The following ZNF148 variants were observed in gnomAD, a reference collection of about 807,000 sequenced individuals.
ZNF148 encodes the protein Beta-Enolase Repressor Factor-1.
A neutral mutation model predicts 67.7 loss-of-function variants in ZNF148; 7 were observed. That is an observed-to-expected ratio of 0.10 (90% confidence interval 0.06 to 0.19). The LOEUF is 0.19. Ranked by LOEUF, ZNF148 falls within the 10% of genes least tolerant of loss-of-function variation. The pLI, the probability that ZNF148 is intolerant of heterozygous loss-of-function variation, is 1.00. For synonymous variants in ZNF148, 333 were observed against 330.7 expected, an observed-to-expected ratio of 1.01 and a Z score of -0.08; for missense variants, 583 against 947.1, an observed-to-expected ratio of 0.62 and a Z score of 5.05.
intron 7 of ZNF148, among the ~76,000 whole-genome samples, chr3:125,272,093 C>A (rs1001076372): frequency 6.6e-6 from 1 of 152,194 alleles, no homozygotes; most frequent in Non-Finnish European, 1.5e-5. Context: ...GACTCCCATG[C>A]AACACATGGA....
intron 3 of ZNF148, among the ~76,000 whole-genome samples, chr3:125,314,526 C>A (rs1940390654): frequency 6.6e-6 from 1 of 152,192 alleles, no homozygotes; most frequent in Admixed American, 6.5e-5. Flanking sequence ...TTCCAACACA[C>A]TACTGAAATC....
Position 125,357,466 on chromosome 3 carries a change from C to G in ZNF148, c.-234+17636G>C, listed in dbSNP as rs78574154. Among the ~76,000 whole-genome samples the G allele has an allele frequency of 5.2e-3, 793 of 152,360 alleles. 4 individuals carry two copies. The highest frequency in any genetic ancestry group is 0.017 in the African/African-American group (710 of 41,590). ...CGGTGGGCAAAAGCCCGTCCTCCCC[C>G]CCTTCCAGGGCCTGCTCACTTCAGG... On this transcript the variant is annotated intron_variant, in intron 1 of 8. Coordinates refer to ENST00000360647, the MANE Select transcript of ZNF148 (RefSeq NM_021964.3).
intron 7 of ZNF148, among the ~76,000 whole-genome samples, chr3:125,266,223 C>T (rs1282864312): frequency 1.3e-5 from 2 of 152,074 alleles, no homozygotes; most frequent in Non-Finnish European, 2.9e-5. Context: ...ACCAACTGGA[C>T]CTAATAGAGC....
intron 5 of ZNF148, among the ~76,000 whole-genome samples, chr3:125,286,694 C>CA (rs1351011999): frequency 1.3e-5 from 2 of 151,892 alleles, no homozygotes; most frequent in South Asian, 2.1e-4. Context: ...TAAATGATTA[C>CA]AAAAAACATT....
rs532273996 is a variant in ZNF148, at chr3:125,344,906, C to G, written c.-233-13668G>C. ...CTCTGGGCTCTGGATCTCCTCTCAG[C>G]TAGCCTGAGTAGATTTTTTTTTTAA... On this transcript the variant is annotated intron_variant, in intron 1 of 8. Coordinates refer to ENST00000360647, the MANE Select transcript of ZNF148 (RefSeq NM_021964.3). The G allele has an allele frequency of 4.0e-5, 7 of 173,428 alleles. No homozygotes were observed. The East Asian group carries it at 1.2e-3, about 30-fold the overall frequency. 10.7% of individuals were successfully genotyped at this position (173,428 alleles called of 1,614,324 possible). A position where few individuals can be genotyped will look rare whatever the true frequency, so the allele number is the denominator to read the frequency against.
At chr3:125,240,704 C>T (rs1450709967) in intron 7 of ZNF148, among the ~76,000 whole-genome samples, 10 of 149,442 alleles carry the variant, frequency 6.7e-5, no homozygotes. Context: ...GTTGAGGCTG[C>T]AGTGAGCTGT....
intron 7 of ZNF148, among the ~76,000 whole-genome samples, chr3:125,271,459 A>G (rs1468799110): frequency 6.6e-6 from 1 of 152,240 alleles, no homozygotes; most frequent in Non-Finnish European, 1.5e-5. Flanking sequence ...TGAACAAAAT[A>G]AAAATCTCCC....
Position 125,337,267 on chromosome 3 carries a change from CA to C in ZNF148, c.-233-6030del, listed in dbSNP as rs372711141. Among the ~76,000 whole-genome samples, 34 of 152,206 alleles carry C rather than the reference CA, an allele frequency of 2.2e-4. 1 individual carries two copies. The highest frequency in any genetic ancestry group is 7.9e-4 in the African/African-American group (33 of 41,532). ...ATCTATGTTAGAAAAAGTGATGCTACAAAAGCATTGTTATAAACAATGCTAC... is the reference window on the plus strand; with the variant it reads ...ATCTATGTTAGAAAAAGTGATGCTACAAAGCATTGTTATAAACAATGCTAC... On this transcript the variant is annotated intron_variant, in intron 1 of 8. Coordinates refer to ENST00000360647, the MANE Select transcript of ZNF148 (RefSeq NM_021964.3).
At chr3:125,272,040 T>C (rs529962530) in intron 7 of ZNF148, among the ~76,000 whole-genome samples, 16 of 152,334 alleles carry the variant, frequency 1.1e-4, no homozygotes, top group Admixed American at 9.1e-4. Flanking sequence ...CTGGCTTCCA[T>C]CATACCTTTG....
intron 7 of ZNF148, among the ~76,000 whole-genome samples, chr3:125,269,299 TG>T (rs1937616044): frequency 6.6e-6 from 1 of 151,586 alleles, no homozygotes; most frequent in South Asian, 2.1e-4. Context: ...GAGGATCGCT[TG>T]AGCCCGGGAG....
At chr3:125,340,500 A>T (rs1188520833) in intron 1 of ZNF148, among the ~76,000 whole-genome samples, 1 of 152,230 alleles carries the variant, frequency 6.6e-6, no homozygotes, top group African/African-American at 2.4e-5. Flanking sequence ...GGTGGGTCCC[A>T]CCATAATCCT....
Position 125,351,761 on chromosome 3 carries a change from A to C in ZNF148, c.-233-20523T>G, listed in dbSNP as rs1942161637. 2.6e-5 allele frequency among the ~76,000 whole-genome samples: 4 copies of C among 152,360 alleles called. No individual in the cohort carries two copies. In the South Asian group the frequency reaches 8.3e-4, roughly 32 times the overall value. On this transcript the variant is annotated intron_variant, in intron 1 of 8. Transcript: ENST00000360647. ...AAAGATCAGAAGACATTTCTCCAAA[A>C]AATACATACAAATGGCCAATAAGCA...
intron 1 of ZNF148, among the ~76,000 whole-genome samples, chr3:125,341,405 G>A (rs1306138146): frequency 6.6e-6 from 1 of 151,492 alleles, no homozygotes; most frequent in Non-Finnish European, 1.5e-5. Flanking sequence ...GATCACTTCT[G>A]CTCAGGAGGG....
chr3:125,352,009 C>T lies in ZNF148; in HGVS notation c.-233-20771G>A, dbSNP rs559069158. 3.3e-5 allele frequency among the ~76,000 whole-genome samples: 5 copies of T among 152,062 alleles called. No homozygotes were observed. The South Asian group carries it at 6.2e-4, about 19-fold the overall frequency. On this transcript the variant is annotated intron_variant, in intron 1 of 8. Coordinates refer to ENST00000360647, the MANE Select transcript of ZNF148 (RefSeq NM_021964.3). The stretch of plus-strand genomic sequence containing the variant: ...TTACTCAAATGGTTAAACAGAGGTA[C>T]CACATGACTCAGCAATTTTTCACTC...
intron 1 of ZNF148, among the ~76,000 whole-genome samples, chr3:125,372,944 C>T (rs1942938396): frequency 6.6e-6 from 1 of 151,874 alleles, no homozygotes; most frequent in South Asian, 2.1e-4. Flanking sequence ...CCAGTCTGGG[C>T]AACAAGAGTG....
intron 7 of ZNF148, among the ~76,000 whole-genome samples, chr3:125,256,967 GTTTTTTTTTTTTTTTT>G (rs10576530): frequency 9.2e-6 from 1 of 108,132 alleles, no homozygotes; most frequent in Non-Finnish European, 1.9e-5. Flanking sequence ...AGAACTTCCA[GTTTTTTTTTTTTTTTT>G]TTTTTTTTAC....
intron 7 of ZNF148, among the ~76,000 whole-genome samples, chr3:125,243,745 C>T (rs149839454): frequency 1.4e-4 from 22 of 152,072 alleles, no homozygotes; most frequent in Admixed American, 5.2e-4. Context: ...AGACTGGTCT[C>T]GAATTCCTGG....
chr3:125,361,822 G>C (rs1942550971), intron 1 of ZNF148, among the ~76,000 whole-genome samples: 2 of 111,730 alleles, frequency 1.8e-5, no homozygotes, highest in Admixed American at 8.9e-5. Context: ...GACAGAGCGA[G>C]ACCCTGTCTC....
At chr3:125,354,101 C>G (rs1046122640) in intron 1 of ZNF148, among the ~76,000 whole-genome samples, 5 of 151,958 alleles carry the variant, frequency 3.3e-5, no homozygotes, top group Non-Finnish European at 7.4e-5. Context: ...TCTCTTGATT[C>G]CATTTTTCTT....
Sources: allele counts gnomAD v4.1 joint callset (sites outside exome capture counted in the v4.1 genomes callset), GRCh38; gene constraint gnomAD v4.1.1; transcripts MANE v1.5; gene names NCBI Gene and HGNC (gene_info 2026-07-23, HGNC 2026-07-21).